Variants in PIK3CB observed in about 807,000 individuals in gnomAD.
The protein encoded by PIK3CB is phosphatidylinositol 4,5-bisphosphate 3-kinase catalytic subunit beta isoform.
Under a neutral mutation model 136.8 loss-of-function variants are expected in PIK3CB, and 39 were observed. That is an observed-to-expected ratio of 0.29 (90% confidence interval 0.22 to 0.37). The LOEUF (loss-of-function observed/expected upper bound fraction) is 0.37, where lower values mean the gene tolerates loss of function less well. Among genes scored for constraint, PIK3CB ranks in the 10% least tolerant of loss-of-function variants. The probability of loss-of-function intolerance (pLI) is 1.00; values close to 1 mark genes in which losing one functional copy is unlikely to be tolerated. For missense variants in PIK3CB, 868 were observed against 1,275.4 expected (o/e 0.68, Z 4.87); for synonymous variants, 428 against 436.6 (o/e 0.98, Z 0.25).
At chr3:138,827,346 TGA>T (rs1356569105) in intron 1 of PIK3CB, among the ~76,000 whole-genome samples, 3 of 152,004 alleles carry the variant, frequency 2.0e-5, no homozygotes, top group Non-Finnish European at 2.9e-5. Flanking sequence ...TAACGAAGAT[TGA>T]GAGAGTTAAG....
intron 8 of PIK3CB, among the ~76,000 whole-genome samples, chr3:138,719,592 T>C (rs912067246): frequency 1.3e-5 from 2 of 152,108 alleles, no homozygotes; most frequent in African/African-American, 4.8e-5. Flanking sequence ...AGTGAAGGCA[T>C]ATTAAGACAC....
At chr3:138,809,286 A>T (rs958104621) in intron 1 of PIK3CB, among the ~76,000 whole-genome samples, 1 of 151,374 alleles carries the variant, frequency 6.6e-6, no homozygotes, top group Non-Finnish European at 1.5e-5. Flanking sequence ...TCAAAAAAAA[A>T]CTTACAACTT....
intron 1 of PIK3CB, chr3:138,826,365 C>A: frequency 6.4e-7 from 1 of 1,564,398 alleles, no homozygotes; most frequent in Non-Finnish European, 8.7e-7. Context: ...GAGTCTTAAT[C>A]AGTGGTGGAA....
intron 2 of PIK3CB, among the ~76,000 whole-genome samples, chr3:138,786,386 G>A (rs527805639): frequency 2.6e-4 from 40 of 151,970 alleles, no homozygotes; most frequent in African/African-American, 8.9e-4. Context: ...ATGGAGTCTT[G>A]TTCTTGTCAC....
intron 23 of PIK3CB, among the ~76,000 whole-genome samples, 187 bp downstream of exon 23, chr3:138,655,955 C>G (rs1302453789): frequency 6.6e-6 from 1 of 152,162 alleles, no homozygotes; most frequent in Non-Finnish European, 1.5e-5. Context: ...GGAAAATCTT[C>G]TGGGTTACAA....
At position 138,755,984 on chromosome 3, in the gene PIK3CB, G is replaced by A. The variant is rs770629316; in HGVS notation, c.172-5C>T. 3.2e-5 allele frequency: 48 copies of A among 1,519,416 alleles called. No individual in the cohort carries two copies. The Admixed American group carries it at 3.6e-4, about 11-fold the overall frequency. The allele number at this position is 1,519,416 out of a possible 1,614,324, so 94.1% of individuals were successfully genotyped here. On this transcript the variant is annotated splice_region_variant and splice_polypyrimidine_tract_variant and intron_variant, in intron 3 of 23. Transcript: ENST00000674063. ...GTGAACTTGCTTCCATAACATCTAT[G>A]AGAAAAAATAAGACATTTTCTGGAA...
intron 2 of PIK3CB, among the ~76,000 whole-genome samples, chr3:138,780,037 A>G (rs556040662): frequency 6.6e-6 from 1 of 152,000 alleles, no homozygotes; most frequent in African/African-American, 2.4e-5. Flanking sequence ...AGCTCACTGC[A>G]ACTTCTACCT....
intron 10 of PIK3CB, 133 bp downstream of exon 10, chr3:138,712,075 A>G: frequency 2.2e-6 from 1 of 450,040 alleles, no homozygotes; most frequent in South Asian, 4.5e-5. Flanking sequence ...GTGTAAATCT[A>G]TTTTAGAATA....
At chr3:138,666,225 A>G (rs2108427411) in intron 19 of PIK3CB, among the ~76,000 whole-genome samples, 1 of 152,206 alleles carries the variant, frequency 6.6e-6, no homozygotes, top group Non-Finnish European at 1.5e-5. Context: ...GGCTGAGTGC[A>G]GTGACACGAT....
intron 12 of PIK3CB, among the ~76,000 whole-genome samples, chr3:138,699,728 A>C (rs904318506): frequency 6.6e-6 from 1 of 152,240 alleles, no homozygotes; most frequent in Non-Finnish European, 1.5e-5. Flanking sequence ...CATGGTCTTT[A>C]ATAGATGGAT....
intron 4 of PIK3CB, among the ~76,000 whole-genome samples, chr3:138,755,037 T>A (rs936190783): frequency 2.0e-5 from 3 of 152,188 alleles, no homozygotes; most frequent in Non-Finnish European, 4.4e-5. Context: ...TTACTCACAA[T>A]TTTCCATGGA....
chr3:138,739,907 A>T (rs923143783), intron 5 of PIK3CB, among the ~76,000 whole-genome samples: 58 of 130,880 alleles, frequency 4.4e-4, no homozygotes, highest in African/African-American at 1.6e-3. Flanking sequence ...CTCAAAAAAT[A>T]AAAAAAAAAA....
intron 19 of PIK3CB, among the ~76,000 whole-genome samples, chr3:138,677,930 T>C (rs1351506093): frequency 6.6e-6 from 1 of 152,102 alleles, no homozygotes; most frequent in East Asian, 1.9e-4. Flanking sequence ...AAATATGCAG[T>C]TTAAAAACTT....
intron 1 of PIK3CB, chr3:138,825,430 A>G (rs1933738737): frequency 1.5e-6 from 1 of 682,124 alleles, no homozygotes; most frequent in Admixed American, 2.0e-5. Flanking sequence ...GCCACCCTAC[A>G]GCCAATACAG....
chr3:138,679,041 G>C (rs1050280483), intron 19 of PIK3CB, among the ~76,000 whole-genome samples: 30 of 151,990 alleles, frequency 2.0e-4, no homozygotes, highest in Admixed American at 7.9e-4. Context: ...ACTCCAGCCT[G>C]GGTGACAGAG....
chr3:138,710,076 C>A (rs1011623733), intron 10 of PIK3CB, among the ~76,000 whole-genome samples: 1 of 149,572 alleles, frequency 6.7e-6, no homozygotes, highest in African/African-American at 2.5e-5. Context: ...ATAGTACCAG[C>A]TACTTGGGGG....
At chr3:138,805,824 G>C (rs755174000) in intron 1 of PIK3CB, among the ~76,000 whole-genome samples, 3 of 151,390 alleles carry the variant, frequency 2.0e-5, no homozygotes, top group East Asian at 4.0e-4. Flanking sequence ...CCCCATCCCC[G>C]GTCCAAGCGA....
chr3:138,700,452 G>C (rs994782701), intron 12 of PIK3CB, among the ~76,000 whole-genome samples: 3 of 152,102 alleles, frequency 2.0e-5, no homozygotes, highest in Non-Finnish European at 4.4e-5. Context: ...AGAGACAAGA[G>C]ACAGCTTAAA....
intron 8 of PIK3CB, among the ~76,000 whole-genome samples, chr3:138,719,460 G>A (rs1171543907): frequency 6.6e-6 from 1 of 151,782 alleles, no homozygotes; most frequent in African/African-American, 2.4e-5. Context: ...TGTCCAGGCT[G>A]GTCTCAAACT....
Sources: allele counts gnomAD v4.1 joint callset (sites outside exome capture counted in the v4.1 genomes callset), GRCh38; gene constraint gnomAD v4.1.1; transcripts MANE v1.5; gene names NCBI Gene and HGNC (gene_info 2026-07-23, HGNC 2026-07-21).